DPP6: variants seen among roughly 807,000 people sequenced by gnomAD.
DPP6 encodes the protein dipeptidyl peptidase like 6.
A neutral mutation model predicts 122.6 loss-of-function variants in DPP6; 69 were observed. The observed-to-expected ratio is 0.56, with a 90% CI of 0.46 to 0.69. DPP6 has a LOEUF of 0.69. Ranked by LOEUF, DPP6 falls within the 30% of genes least tolerant of loss-of-function variation. The pLI, the probability that DPP6 is intolerant of heterozygous loss-of-function variation, is 0.00. For missense variants in DPP6, 928 were observed against 1,116.9 expected, an observed-to-expected ratio of 0.83 and a Z score of 2.41; for synonymous variants, 418 against 433.1, an observed-to-expected ratio of 0.97 and a Z score of 0.43.
At chr7:154,628,292 A>G (rs1449304905) in intron 5 of DPP6, among the ~76,000 whole-genome samples, 1 of 152,212 alleles carries the variant, frequency 6.6e-6, no homozygotes, top group Non-Finnish European at 1.5e-5. Flanking sequence ...TATTCTTCCC[A>G]TGGAAGCAAA....
chr7:154,596,390 C>T (rs193166885), intron 5 of DPP6, among the ~76,000 whole-genome samples: 34 of 152,344 alleles, frequency 2.2e-4, no homozygotes, highest in African/African-American at 3.6e-4. Flanking sequence ...ATTCACATTC[C>T]GCTGACGCGG....
At chr7:154,537,533 T>C (rs779222380) in intron 3 of DPP6, among the ~76,000 whole-genome samples, 6 of 151,864 alleles carry the variant, frequency 4.0e-5, no homozygotes, top group Admixed American at 6.6e-5. Context: ...CTACTAAAAA[T>C]ACAAAAATTA....
At chr7:154,814,445 C>T (rs1799289110) in intron 16 of DPP6, among the ~76,000 whole-genome samples, 1 of 152,118 alleles carries the variant, frequency 6.6e-6, no homozygotes. Context: ...TGTGTATTCA[C>T]CCGCAGACCA....
chr7:154,008,356 T>A (rs1798000429), intron 1 of DPP6, among the ~76,000 whole-genome samples: 2 of 152,240 alleles, frequency 1.3e-5, no homozygotes, highest in African/African-American at 4.8e-5. Context: ...ATTTCTTGAC[T>A]GCCATTTCAG....
intron 1 of DPP6, among the ~76,000 whole-genome samples, chr7:154,175,026 A>T (rs1221845756): frequency 6.6e-6 from 1 of 151,674 alleles, no homozygotes; most frequent in Non-Finnish European, 1.5e-5. Flanking sequence ...GGCCCCTGCA[A>T]CACGCGCCCC....
intron 1 of DPP6, among the ~76,000 whole-genome samples, chr7:154,140,215 T>C (rs1382526262): frequency 6.6e-6 from 1 of 152,252 alleles, no homozygotes; most frequent in African/African-American, 2.4e-5. Flanking sequence ...GAGAGCTCCA[T>C]ATTTATGTGA....
At chr7:154,697,857 A>G (rs931687066) in intron 7 of DPP6, among the ~76,000 whole-genome samples, 1 of 152,160 alleles carries the variant, frequency 6.6e-6, no homozygotes, top group African/African-American at 2.4e-5. Flanking sequence ...ACATTTGTCT[A>G]CAGGTCTTTC....
chr7:154,498,111 CT>C (rs1202521187), intron 3 of DPP6, among the ~76,000 whole-genome samples: 4 of 152,196 alleles, frequency 2.6e-5, no homozygotes, highest in Non-Finnish European at 5.9e-5. Flanking sequence ...AACATCTGAA[CT>C]GACATGGTGC....
At position 153,980,876 on chromosome 7, in the gene DPP6, C is replaced by T. The variant is rs1162962496; in HGVS notation, c.51+93142C>T. 3.9e-5 allele frequency among the ~76,000 whole-genome samples: 6 copies of T among 152,160 alleles called. No homozygotes were observed. In the East Asian group the frequency reaches 9.6e-4, roughly 24 times the overall value. On this transcript the variant is annotated intron_variant, in intron 1 of 25. Coordinates refer to the DPP6 transcript ENST00000404039. ...GCAGTTTTGAGTGAGTGTCTTAATCCTGAGTTCTAATTTGATTGTGCCGTG... is the reference window on the plus strand; with the variant it reads ...GCAGTTTTGAGTGAGTGTCTTAATCTTGAGTTCTAATTTGATTGTGCCGTG...
intron 1 of DPP6, among the ~76,000 whole-genome samples, chr7:154,101,680 C>A (rs1240542169): frequency 6.6e-6 from 1 of 151,906 alleles, no homozygotes; most frequent in East Asian, 2.0e-4. Flanking sequence ...GTAATCCCAG[C>A]CCTCTGGGAG....
chr7:153,828,273 CTG>C, the DPP6 span, among the ~76,000 whole-genome samples: 1 of 152,158 alleles, frequency 6.6e-6, no homozygotes, highest in African/African-American at 2.4e-5. Context: ...GACAGTGTGA[CTG>C]TGGCATAGCA....
intron 1 of DPP6, among the ~76,000 whole-genome samples, chr7:154,355,328 C>A (rs1811186838): frequency 1.3e-5 from 2 of 152,206 alleles, no homozygotes; most frequent in East Asian, 3.9e-4. Flanking sequence ...TGTAGTTGGC[C>A]TTTTCATATA....
At chr7:154,346,467 C>T (rs754747573) in intron 1 of DPP6, among the ~76,000 whole-genome samples, 119 of 152,182 alleles carry the variant, frequency 7.8e-4, no homozygotes, top group African/African-American at 8.4e-4. Context: ...CCACCATGCC[C>T]GTCTAATTTT....
the DPP6 span, among the ~76,000 whole-genome samples, chr7:153,797,274 T>C: frequency 6.6e-6 from 1 of 152,112 alleles, no homozygotes; most frequent in African/African-American, 2.4e-5. Context: ...TTGGGGGTAA[T>C]TTGTTATACA....
At chr7:154,165,660 C>T (rs555932180) in intron 1 of DPP6, among the ~76,000 whole-genome samples, 2 of 151,968 alleles carry the variant, frequency 1.3e-5, no homozygotes, top group African/African-American at 2.4e-5. Context: ...ACATCCTCTC[C>T]ATCACCTGTT....
chr7:153,963,550 T>C (rs890432241), intron 1 of DPP6, among the ~76,000 whole-genome samples: 3 of 150,854 alleles, frequency 2.0e-5, no homozygotes, highest in African/African-American at 7.3e-5. Flanking sequence ...TGTGAATCAA[T>C]ATGTGTCTAC....
At chr7:154,613,414 G>A (rs182179055) in intron 5 of DPP6, among the ~76,000 whole-genome samples, 44 of 152,104 alleles carry the variant, frequency 2.9e-4, no homozygotes, top group African/African-American at 9.6e-4. Context: ...GAGGTCGGGA[G>A]TTTGAAACCA....
chr7:154,080,417 C>A (rs1222761776), intron 1 of DPP6, among the ~76,000 whole-genome samples: 1 of 152,198 alleles, frequency 6.6e-6, no homozygotes, highest in Admixed American at 6.5e-5. Flanking sequence ...ACTTTATTTA[C>A]TTCTCTTATG....
intron 1 of DPP6, among the ~76,000 whole-genome samples, chr7:154,179,720 C>A (rs955108405): frequency 1.3e-5 from 2 of 152,186 alleles, no homozygotes; most frequent in Non-Finnish European, 2.9e-5. Flanking sequence ...TCACTTTCAT[C>A]TTTGTAAAGT....
Sources: gnomAD v4.1 joint callset for allele counts (sites outside exome capture counted in the v4.1 genomes callset) on GRCh38, gnomAD v4.1.1 for gene constraint, MANE v1.5 for transcripts, NCBI Gene and HGNC (gene_info 2026-07-23, HGNC 2026-07-21) for gene names.